Variants in EFNA5 observed in about 807,000 individuals in gnomAD.
EFNA5 encodes the protein ephrin A5.
Under a neutral mutation model 22.9 loss-of-function variants are expected in EFNA5, and 5 were observed. The observed-to-expected ratio is 0.22, with a 90% CI of 0.11 to 0.46. EFNA5 has a LOEUF of 0.46. EFNA5 is among the 20% of genes least tolerant of loss of function. The pLI is 0.99. For missense variants in EFNA5, 237 were observed against 293.3 expected, an observed-to-expected ratio of 0.81 and a Z score of 1.40; for synonymous variants, 113 against 112.2, an observed-to-expected ratio of 1.01 and a Z score of -0.04.
At chr5:107,623,006 T>A (rs539713763) in intron 1 of EFNA5, among the ~76,000 whole-genome samples, 1 of 112,252 alleles carries the variant, frequency 8.9e-6, no homozygotes, top group East Asian at 2.7e-4. Flanking sequence ...CCGGCCTGGG[T>A]GACAGAGCGA....
chr5:107,446,821 A>AC (rs2112441712), intron 1 of EFNA5, among the ~76,000 whole-genome samples: 1 of 152,230 alleles, frequency 6.6e-6, no homozygotes, highest in South Asian at 2.1e-4. Context: ...TCTCAAGGGG[A>AC]CTGTCTATGC....
At chr5:107,648,691 T>C (rs1750673481) in intron 1 of EFNA5, among the ~76,000 whole-genome samples, 1 of 152,160 alleles carries the variant, frequency 6.6e-6, no homozygotes, top group African/African-American at 2.4e-5. Context: ...ATGGTTTGGG[T>C]AGTTGAATAT....
At chr5:107,585,859 G>T (rs1044998058) in intron 1 of EFNA5, among the ~76,000 whole-genome samples, 1 of 152,204 alleles carries the variant, frequency 6.6e-6, no homozygotes, top group Non-Finnish European at 1.5e-5. Context: ...TCAATCAGTG[G>T]AAGATATTAT....
chr5:107,584,491 C>G (rs1407966922), intron 1 of EFNA5, among the ~76,000 whole-genome samples: 1 of 152,192 alleles, frequency 6.6e-6, no homozygotes, highest in Non-Finnish European at 1.5e-5. Flanking sequence ...ATTATTTAAG[C>G]ATAAATAACC....
intron 1 of EFNA5, among the ~76,000 whole-genome samples, chr5:107,619,426 T>G (rs1378122792): frequency 6.6e-6 from 1 of 151,956 alleles, no homozygotes; most frequent in African/African-American, 2.4e-5. Context: ...AATTCTAATC[T>G]AAATCATGCT....
chr5:107,584,046 G>A (rs1013056130), intron 1 of EFNA5, among the ~76,000 whole-genome samples: 1 of 152,156 alleles, frequency 6.6e-6, no homozygotes, highest in African/African-American at 2.4e-5. Context: ...AGGGGATTAT[G>A]TATCTCTAGG....
chr5:107,456,547 A>C (rs1230098231), intron 1 of EFNA5, among the ~76,000 whole-genome samples: 1 of 152,170 alleles, frequency 6.6e-6, no homozygotes, highest in Non-Finnish European at 1.5e-5. Context: ...GATCTTGCTA[A>C]GCCTCTAGAG....
At position 107,545,981 on chromosome 5, in the gene EFNA5, T is replaced by C. The variant is rs549213326; in HGVS notation, c.126-118472A>G. Among the ~76,000 whole-genome samples, 4 of 152,258 alleles carry C rather than the reference T, an allele frequency of 2.6e-5. 1 individual carries two copies. Among genetic ancestry groups the C allele is most frequent in the African/African-American group, 7.2e-5 (3 of 41,546 alleles). ...CTGACATTAGTGTTTTGTTTTTAAT[T>C]GAAATCCAACATCAAATAACATGCC... On this transcript the variant is annotated intron_variant, in intron 1 of 4. Transcript: ENST00000333274.
chr5:107,432,145 G>A (rs1048350498), intron 1 of EFNA5, among the ~76,000 whole-genome samples: 1 of 152,150 alleles, frequency 6.6e-6, no homozygotes, highest in Non-Finnish European at 1.5e-5. Context: ...CTCCTAAACT[G>A]GAAAGCTGAG....
intron 1 of EFNA5, among the ~76,000 whole-genome samples, chr5:107,644,173 C>T (rs1296680609): frequency 6.6e-6 from 1 of 152,020 alleles, no homozygotes; most frequent in African/African-American, 2.4e-5. Flanking sequence ...CTGAAAGATG[C>T]AGGCGGAAGG....
At chr5:107,413,334 C>T (rs541889958) in intron 2 of EFNA5, among the ~76,000 whole-genome samples, 55 of 152,080 alleles carry the variant, frequency 3.6e-4, no homozygotes, top group Non-Finnish European at 7.4e-4. Context: ...AAGTACAGAT[C>T]ACTGTTGACC....
intron 1 of EFNA5, among the ~76,000 whole-genome samples, chr5:107,520,855 A>C (rs1194153755): frequency 2.0e-5 from 3 of 152,222 alleles, no homozygotes; most frequent in Admixed American, 2.0e-4. Flanking sequence ...GTGATAGCTC[A>C]GGGTACTTAG....
chr5:107,384,091 T>TGAAATGA (rs1401088091), intron 4 of EFNA5, among the ~76,000 whole-genome samples: 15 of 152,140 alleles, frequency 9.9e-5, no homozygotes, highest in African/African-American at 3.4e-4. Context: ...CCCCCAAATG[T>TGAAATGA]GAAATGAGAA....
intron 1 of EFNA5, among the ~76,000 whole-genome samples, chr5:107,660,434 T>C (rs1273695833): frequency 6.6e-6 from 1 of 150,714 alleles, no homozygotes; most frequent in Non-Finnish European, 1.5e-5. Flanking sequence ...ATAAAGTATG[T>C]ATACAATGCT....
intron 1 of EFNA5, among the ~76,000 whole-genome samples, chr5:107,625,213 A>C (rs1447746305): frequency 6.6e-6 from 1 of 152,114 alleles, no homozygotes; most frequent in African/African-American, 2.4e-5. Context: ...CATTGGTTTG[A>C]CTCAACTGAG....
chr5:107,498,105 G>A (rs546011016), intron 1 of EFNA5, among the ~76,000 whole-genome samples: 2 of 152,072 alleles, frequency 1.3e-5, no homozygotes, highest in South Asian at 2.1e-4. Context: ...TAGTAGAGAC[G>A]GGGTTTCACC....
At chr5:107,466,079 A>G (rs1749971870) in intron 1 of EFNA5, among the ~76,000 whole-genome samples, 1 of 152,094 alleles carries the variant, frequency 6.6e-6, no homozygotes, top group African/African-American at 2.4e-5. Flanking sequence ...CTAGGACCCA[A>G]CCGCAGGTGC....
chr5:107,419,496 A>T (rs564488379), intron 2 of EFNA5, among the ~76,000 whole-genome samples: 51 of 152,340 alleles, frequency 3.3e-4, no homozygotes, highest in African/African-American at 1.2e-3. Context: ...TATTTTCAAA[A>T]TAACACAAAA....
chr5:107,452,899 T>C (rs534234851), intron 1 of EFNA5, among the ~76,000 whole-genome samples: 234 of 152,280 alleles, frequency 1.5e-3, no homozygotes, highest in Non-Finnish European at 2.0e-3. Flanking sequence ...AAACACAAAA[T>C]ATTTCAGTAA....
Sources: gnomAD v4.1 joint callset for allele counts (sites outside exome capture counted in the v4.1 genomes callset) on GRCh38, gnomAD v4.1.1 for gene constraint, MANE v1.5 for transcripts, NCBI Gene and HGNC (gene_info 2026-07-23, HGNC 2026-07-21) for gene names.